The following RORB variants were observed in gnomAD, a reference collection of about 807,000 sequenced individuals.
RORB encodes the protein RAR related orphan receptor B.
In RORB, 6 loss-of-function variants were observed where a neutral mutation model predicts 59.1. The ratio of observed to expected loss-of-function variants is 0.10; its 90% CI spans 0.06 to 0.20. The LOEUF is 0.20. RORB is among the 10% of genes least tolerant of loss of function. RORB has a pLI of 1.00. For synonymous variants in RORB, 215 were observed against 204.5 expected (o/e 1.05, Z -0.44); for missense variants, 320 against 560.5 (o/e 0.57, Z 4.33).
chr9:74,596,964 A>C (rs977338722), intron 1 of RORB, among the ~76,000 whole-genome samples: 2 of 152,226 alleles, frequency 1.3e-5, no homozygotes, highest in Non-Finnish European at 2.9e-5. Context: ...GCAGAATGAG[A>C]AGCTCTTGCT....
chr9:74,548,027 T>G (rs1285805344), intron 1 of RORB, among the ~76,000 whole-genome samples: 1 of 152,112 alleles, frequency 6.6e-6, no homozygotes, highest in Non-Finnish European at 1.5e-5. Context: ...TAATGTTGAG[T>G]TTTCAATATA....
chr9:74,498,379 C>G (rs1332727355), intron 1 of RORB: 5 of 169,384 alleles, frequency 3.0e-5, no homozygotes, highest in Non-Finnish European at 3.8e-5. Context: ...GGTCGCCGGC[C>G]GGGTTTGGGC....
At chr9:74,659,083 A>G (rs1323128103) in intron 4 of RORB, among the ~76,000 whole-genome samples, 2 of 152,202 alleles carry the variant, frequency 1.3e-5, no homozygotes, top group Non-Finnish European at 2.9e-5. Flanking sequence ...TGCTCCCCTG[A>G]TGACAAACTA....
chr9:74,671,913 G>A lies in RORB; in HGVS notation c.1224+12G>A. 6.8e-7 allele frequency: 1 copy of A among 1,469,022 alleles called. No homozygotes were observed. The highest frequency in any genetic ancestry group is 9.5e-7 in the Non-Finnish European group (1 of 1,053,946). The allele number at this position is 1,469,022 out of a possible 1,614,324, so 91.0% of individuals were successfully genotyped here. ...AGACCTTGGCAAAGGTAGGTCCACA[G>A]ATCACAGAGCCACCACCACCAAAAG... is the stretch of plus-strand genomic sequence containing the variant. On this transcript the variant is annotated intron_variant, in intron 9 of 9. Coordinates refer to ENST00000376896, the MANE Select transcript of RORB (RefSeq NM_006914.4).
At chr9:74,650,684 G>A (rs1823975922) in intron 4 of RORB, among the ~76,000 whole-genome samples, 1 of 152,120 alleles carries the variant, frequency 6.6e-6, no homozygotes, top group Non-Finnish European at 1.5e-5. Context: ...GAGGCCTACT[G>A]GGGAACTGCT....
At chr9:74,560,534 A>G (rs1317805560) in intron 1 of RORB, among the ~76,000 whole-genome samples, 2 of 122,504 alleles carry the variant, frequency 1.6e-5, no homozygotes, top group Non-Finnish European at 3.7e-5. Context: ...AAATACATAT[A>G]TTCTCAGAAG....
At chr9:74,644,368 T>C (rs556624789) in intron 4 of RORB, among the ~76,000 whole-genome samples, 1 of 152,370 alleles carries the variant, frequency 6.6e-6, no homozygotes, top group African/African-American at 2.4e-5. Flanking sequence ...CTGTTTTTAC[T>C]ATATCATGGG....
chr9:74,588,934 T>G (rs1225325683), intron 1 of RORB, among the ~76,000 whole-genome samples: 1 of 15,342 alleles, frequency 6.5e-5, no homozygotes, highest in African/African-American at 8.8e-5. Context: ...CATTAAGTGA[T>G]GATTAAAAAA....
At chr9:74,562,221 A>G (rs1199962128) in intron 1 of RORB, among the ~76,000 whole-genome samples, 2 of 152,108 alleles carry the variant, frequency 1.3e-5, no homozygotes, top group African/African-American at 2.4e-5. Flanking sequence ...CTTATTGTAC[A>G]CTCAGTTATA....
rs961423415 is a variant in RORB at position 74,689,404 on chromosome 9, T to A, written c.*3786T>A. ...CAGGCCTGAGCCACTGCGCCCTGCC[T>A]TCAGTGGCTCTTTTATCCCCCAAAG... On this transcript the variant is annotated 3_prime_UTR_variant, in exon 10 of 10. Transcript: ENST00000376896. 1 of 152,244 alleles carries A rather than the reference T, an allele frequency of 6.6e-6. No homozygotes were observed. The highest frequency in any genetic ancestry group is 1.5e-5 in the Non-Finnish European group (1 of 68,092). 9.4% of individuals were successfully genotyped at this position (152,244 alleles called of 1,614,324 possible).
At chr9:74,512,542 T>C (rs760173633) in intron 1 of RORB, among the ~76,000 whole-genome samples, 2 of 152,098 alleles carry the variant, frequency 1.3e-5, no homozygotes, top group Non-Finnish European at 2.9e-5. Flanking sequence ...TCAATGACAA[T>C]ATCTAGAAAA....
intron 1 of RORB, among the ~76,000 whole-genome samples, chr9:74,529,600 T>C (rs921802022): frequency 4.0e-5 from 6 of 151,756 alleles, no homozygotes; most frequent in Non-Finnish European, 8.8e-5. Flanking sequence ...AATTTATGTT[T>C]ATTTTAAAAT....
chr9:74,572,631 T>C (rs1204688414), intron 1 of RORB, among the ~76,000 whole-genome samples: 1 of 152,158 alleles, frequency 6.6e-6, no homozygotes, highest in African/African-American at 2.4e-5. Flanking sequence ...CACACTGCCA[T>C]TGCCCAGAGC....
intron 1 of RORB, among the ~76,000 whole-genome samples, chr9:74,620,465 C>T (rs182466087): frequency 3.4e-5 from 5 of 144,984 alleles, no homozygotes; most frequent in Middle Eastern, 3.6e-3. Context: ...AGCAGTCTAT[C>T]GATTTTGTTG....
At chr9:74,626,904 C>G (rs1434624610) in intron 1 of RORB, among the ~76,000 whole-genome samples, 2 of 152,208 alleles carry the variant, frequency 1.3e-5, no homozygotes, top group Non-Finnish European at 2.9e-5. Context: ...TGGCTCACAC[C>G]TGTAATCCCA....
chr9:74,570,098 G>C (rs1365006863), intron 1 of RORB, among the ~76,000 whole-genome samples: 1 of 151,844 alleles, frequency 6.6e-6, no homozygotes, highest in African/African-American at 2.4e-5. Flanking sequence ...ATCTTCTTTG[G>C]AGTGAATAGA....
In RORB at chr9:74,692,905, G is replaced by A. The variant is rs1281097165; in HGVS notation, c.*7287G>A. 6.6e-6 allele frequency: 1 copy of A among 152,036 alleles called. No individual in the cohort carries two copies. The highest frequency in any genetic ancestry group is 1.5e-5 in the Non-Finnish European group (1 of 68,016). The allele number at this position is 152,036 out of a possible 1,614,324, so 9.4% of individuals were successfully genotyped here. A position where few individuals can be genotyped will look rare whatever the true frequency, so the allele number is the denominator to read the frequency against. On this transcript the variant is annotated 3_prime_UTR_variant, in exon 10 of 10. Coordinates refer to ENST00000376896, the MANE Select transcript of RORB (RefSeq NM_006914.4). ...GTGTATGTGAGTAAAACTGCAGCCT[G>A]AGTCATTTAGGAAGTAAGTATTGAG...
intron 1 of RORB, among the ~76,000 whole-genome samples, chr9:74,535,485 C>G (rs1826308196): frequency 2.0e-5 from 3 of 151,856 alleles, no homozygotes; most frequent in Admixed American, 2.0e-4. Flanking sequence ...CTCCCTAGTT[C>G]TAGTAAAACG....
intron 1 of RORB, among the ~76,000 whole-genome samples, chr9:74,616,478 G>A (rs1026499038): frequency 6.6e-6 from 1 of 152,154 alleles, no homozygotes; most frequent in East Asian, 1.9e-4. Flanking sequence ...AGTAGATACT[G>A]TTTCTGTGCA....
Sources: allele counts gnomAD v4.1 joint callset (sites outside exome capture counted in the v4.1 genomes callset), GRCh38; gene constraint gnomAD v4.1.1; transcripts MANE v1.5; gene names NCBI Gene and HGNC (gene_info 2026-07-23, HGNC 2026-07-21).